The following DMD variants were observed in gnomAD, a reference collection of about 807,000 sequenced individuals.
DMD encodes dystrophin.
A neutral mutation model predicts 330.1 loss-of-function variants in DMD; 63 were observed. That is an observed-to-expected ratio of 0.19 (90% CI 0.16 to 0.24). The LOEUF (loss-of-function observed/expected upper bound fraction) is 0.24, where lower values mean the gene tolerates loss of function less well. Ranked by LOEUF, DMD falls within the 10% of genes least tolerant of loss-of-function variation. The pLI is 1.00. For missense variants in DMD, 3,344 were observed against 2,684.1 expected, an observed-to-expected ratio of 1.25 and a Z score of -5.43; for synonymous variants, 1,223 against 959.8, an observed-to-expected ratio of 1.27 and a Z score of -5.07.
chrX:33,133,125 TAA>T (rs72394170), intron 1 of DMD, among the ~76,000 whole-genome samples: 2 of 108,747 alleles, frequency 1.8e-5, no homozygotes, highest in African/African-American at 6.7e-5. Context: ...TAGTAGTGGT[TAA>T]AAAAAAAGCA....
chrX:32,039,560 T>A (rs1022686866), intron 44 of DMD, among the ~76,000 whole-genome samples: 1 of 111,607 alleles, frequency 9.0e-6, no homozygotes, highest in Non-Finnish European at 1.9e-5. Context: ...AGGGCATCTG[T>A]CTATGAGTAG....
chrX:32,781,441 C>G lies in DMD; in HGVS notation c.649+28052G>C, dbSNP rs2074749959. Among the ~76,000 whole-genome samples the G allele has an allele frequency of 2.7e-5, 3 of 111,986 alleles. No individual in the cohort carries two copies. The South Asian group carries it at 1.1e-3, about 42-fold the overall frequency. Reference sequence around the variant, plus strand: ...TAAACAGTATTGAATAAAACAAAATCAACGAAACATTTGAAAAACAGAAGA... The same window carrying G: ...TAAACAGTATTGAATAAAACAAAATGAACGAAACATTTGAAAAACAGAAGA... On this transcript the variant is annotated intron_variant, in intron 7 of 78. Coordinates refer to ENST00000357033, the MANE Select transcript of DMD (RefSeq NM_004006.3).
chrX:32,141,596 C>T (rs1280367937), intron 44 of DMD, among the ~76,000 whole-genome samples: 1 of 110,355 alleles, frequency 9.1e-6, no homozygotes, highest in African/African-American at 3.3e-5. Flanking sequence ...CCTCCTAAAA[C>T]ATCTTATTCC....
intron 33 of DMD, 58 bp downstream of exon 33, chrX:32,386,252 G>A: frequency 1.7e-6 from 2 of 1,176,324 alleles, no homozygotes; most frequent in South Asian, 1.8e-5. Flanking sequence ...ATTGCCCGTT[G>A]CTTTACAATT....
At chrX:33,268,171 G>A (rs1356352651) in intron 1 of DMD, among the ~76,000 whole-genome samples, 1 of 109,850 alleles carries the variant, frequency 9.1e-6, no homozygotes, top group East Asian at 2.9e-4. Context: ...TGTATTTTTG[G>A]TAGAGACAGG....
intron 43 of DMD, among the ~76,000 whole-genome samples, chrX:32,217,668 A>G (rs1252663051): frequency 9.0e-6 from 1 of 111,347 alleles, no homozygotes; most frequent in African/African-American, 3.3e-5. Context: ...AGAAATTATA[A>G]ATGTTTGAGG....
intron 50 of DMD, among the ~76,000 whole-genome samples, chrX:31,785,113 A>T (rs2091228046): frequency 8.9e-6 from 1 of 112,386 alleles, no homozygotes; most frequent in African/African-American, 3.2e-5. Context: ...ACAAAAAAAG[A>T]AGGAAATCCT....
chrX:31,725,833 G>T (rs2085995458), intron 52 of DMD, among the ~76,000 whole-genome samples: 1 of 112,509 alleles, frequency 8.9e-6, no homozygotes, highest in South Asian at 3.6e-4. Context: ...GAAATAAACA[G>T]AATGATAAAA....
At chrX:32,151,163 C>A (rs142356512) in intron 44 of DMD, among the ~76,000 whole-genome samples, 1,157 of 111,861 alleles carry the variant, frequency 0.01, 14 homozygotes, top group African/African-American at 0.036. Flanking sequence ...GGCTTACTAC[C>A]TTTTAAAATA....
At chrX:31,837,728 G>A (rs1055845726) in intron 48 of DMD, among the ~76,000 whole-genome samples, 4 of 111,423 alleles carry the variant, frequency 3.6e-5, no homozygotes, top group Admixed American at 1.9e-4. Context: ...AAGTGTCTCC[G>A]TGCCACTGTT....
intron 5 of DMD, among the ~76,000 whole-genome samples, chrX:32,822,602 TATAC>T (rs2078360122): frequency 9.1e-6 from 1 of 110,212 alleles, no homozygotes; most frequent in African/African-American, 3.3e-5. Context: ...TGTGTATATA[TATAC>T]ATATATAATG....
At chrX:32,832,116 C>T (rs2079202003) in intron 4 of DMD, among the ~76,000 whole-genome samples, 1 of 111,125 alleles carries the variant, frequency 9.0e-6, no homozygotes, top group Non-Finnish European at 1.9e-5. Context: ...CACTTTTGTT[C>T]CCTCATATGC....
rs370681651 is a variant in DMD, at chrX:32,302,784, C to T, written c.6117+7298G>A. On this transcript the variant is annotated intron_variant, in intron 42 of 78. Transcript: ENST00000357033. ...TTTAACAGGAATTTTCCTACACAGT[C>T]GTACATGATTTCACTGTATCTTCAC... Among the ~76,000 whole-genome samples the T allele has an allele frequency of 9.0e-5, 10 of 110,990 alleles. No individual in the cohort carries two copies. In the East Asian group the frequency reaches 2.8e-3, roughly 31 times the overall value.
intron 11 of DMD, among the ~76,000 whole-genome samples, chrX:32,626,335 C>T (rs1267603831): frequency 1.0e-5 from 1 of 95,371 alleles, no homozygotes; most frequent in East Asian, 2.9e-4. Context: ...GGCGTGGTGG[C>T]AAGCACTTTT....
chrX:33,327,566 C>G, intron 1 of DMD, among the ~76,000 whole-genome samples: 1 of 110,687 alleles, frequency 9.0e-6, no homozygotes, highest in East Asian at 2.9e-4. Flanking sequence ...TGAATAAAAT[C>G]AAGGCCAACG....
intron 44 of DMD, among the ~76,000 whole-genome samples, chrX:32,009,505 T>G (rs1358737799): frequency 8.9e-6 from 1 of 112,409 alleles, no homozygotes; most frequent in Non-Finnish European, 1.9e-5. Context: ...TGACTACATA[T>G]TCAATGAAAA....
chrX:31,522,728 G>A (rs1353282100), intron 55 of DMD, among the ~76,000 whole-genome samples: 1 of 110,700 alleles, frequency 9.0e-6, no homozygotes, highest in Non-Finnish European at 1.9e-5. Context: ...TTATTAAAGT[G>A]TTGAATTTCC....
intron 62 of DMD, among the ~76,000 whole-genome samples, chrX:31,269,907 T>C (rs920044826): frequency 8.9e-6 from 1 of 112,044 alleles, no homozygotes; most frequent in Non-Finnish European, 1.9e-5. Context: ...TGTGGGGACA[T>C]CAATCAGGCT....
At chrX:32,650,593 C>A (rs1477626404) in intron 9 of DMD, among the ~76,000 whole-genome samples, 1 of 111,676 alleles carries the variant, frequency 9.0e-6, no homozygotes, top group Non-Finnish European at 1.9e-5. Flanking sequence ...AACACGTAAA[C>A]CAAGGTACTA....
Sources: gnomAD v4.1 joint callset for allele counts (sites outside exome capture counted in the v4.1 genomes callset) on GRCh38, gnomAD v4.1.1 for gene constraint, MANE v1.5 for transcripts, NCBI Gene and HGNC (gene_info 2026-07-23, HGNC 2026-07-21) for gene names.